Variants in CLUL1 observed in about 807,000 individuals in gnomAD.
CLUL1 encodes clusterin like 1.
CLUL1 carries 43 observed loss-of-function variants against 49.4 expected under a neutral mutation model. The observed-to-expected ratio is 0.87, with a 90% confidence interval of 0.68 to 1.12. The LOEUF is 1.12. Ranked by LOEUF, CLUL1 falls within the 50% of genes most tolerant of loss-of-function variation. CLUL1 has a pLI of 0.00. For synonymous variants in CLUL1, 192 were observed against 184.9 expected, an observed-to-expected ratio of 1.04 and a Z score of -0.31; for missense variants, 486 against 544.4, an observed-to-expected ratio of 0.89 and a Z score of 1.07.
At chr18:600,407 CTTCTATTGTT>C (rs1364166477) in intron 1 of CLUL1, among the ~76,000 whole-genome samples, 25 of 152,324 alleles carry the variant, frequency 1.6e-4, no homozygotes, top group Non-Finnish European at 3.5e-4. Flanking sequence ...TGCAAAAAGT[CTTCTATTGTT>C]CTCAACCATT....
rs143613500 is a variant in CLUL1, at chr18:636,974, G to C, written c.994+3539G>C. Among the ~76,000 whole-genome samples the C allele has an allele frequency of 2.2e-3, 261 of 121,388 alleles. 2 individuals carry two copies. The highest frequency in any genetic ancestry group is 8.3e-3 in the African/African-American group (240 of 28,922). 79.6% of individuals were successfully genotyped at this position (121,388 alleles called of 152,430 possible). On this transcript the variant is annotated intron_variant, in intron 7 of 9. Coordinates refer to ENST00000692774, the MANE Select transcript of CLUL1 (RefSeq NM_001393344.1). ...CCAGCCTGGGTTCTTTGTTTTTTTT[G>C]TTTTGTTTTGTTTTTGTTTTTGTTT...
At position 618,050 on chromosome 18, in the gene CLUL1, A is replaced by G; in HGVS notation, c.50A>G (p.Asp17Gly). 2 of 1,614,190 alleles carry G rather than the reference A, an allele frequency of 1.2e-6. No homozygotes were observed. Among genetic ancestry groups the G allele is most frequent in the Non-Finnish European group, 1.7e-6 (2 of 1,180,032 alleles). ...ATTGTGTGTCTGCTGTGGTTGAAAG[A>G]CAGTCACTGCGCACCCACTTGGAAG... ...VFIVCLLWLK[D>G]SHCAPTWKDK... Residue 17 changes from aspartate to glycine, a missense_variant, in exon 3 of 10, where the codon GAC becomes GGC. Coordinates refer to ENST00000692774, the MANE Select transcript of CLUL1 (RefSeq NM_001393344.1). The surrounding 1 kb of genome is among the most constrained non-coding windows in gnomAD (Gnocchi z 4.2).
intron 5 of CLUL1, among the ~76,000 whole-genome samples, 193 bp from the exon 6 acceptor site, chr18:626,904 A>AG (rs2073757973): frequency 0.03 from 23 of 756 alleles, 1 homozygote; most frequent in Admixed American, 0.062. Context: ...AGAAAGAAAG[A>AG]AAGAAAGAAA....
chr18:632,340 G>A (rs2074014506), intron 6 of CLUL1, among the ~76,000 whole-genome samples: 1 of 150,538 alleles, frequency 6.6e-6, no homozygotes, highest in African/African-American at 2.5e-5. Context: ...ATATATGTGT[G>A]TGTGTGTGTG....
chr18:640,275 T>C (rs566948873), intron 7 of CLUL1, among the ~76,000 whole-genome samples: 101 of 151,928 alleles, frequency 6.6e-4, no homozygotes, highest in African/African-American at 2.3e-3. Flanking sequence ...CCGGGCATGG[T>C]GGTGTGAGCC....
chr18:627,365 C>T lies in CLUL1; in HGVS notation c.692C>T (p.Ala231Val). Reference protein sequence around the residue: ...TDLTEPYFFPAFSKEPMTKAD... With the variant: ...TDLTEPYFFPVFSKEPMTKAD... ...CTAACTGAGCCTTACTTTTTTCCAGCTTTCTCTAAAGAGCCGATGACAAAA... is the reference window on the plus strand; with the variant it reads ...CTAACTGAGCCTTACTTTTTTCCAGTTTTCTCTAAAGAGCCGATGACAAAA... The change falls in exon 6 of 10, where the codon GCT becomes GTT. Residue 231 changes from alanine (A) to valine (V), a missense_variant. By Grantham distance (64) the Ala-to-Val change is moderately conservative. Transcript: ENST00000692774. The T allele has an allele frequency of 6.2e-7, 1 of 1,614,130 alleles. No individual in the cohort carries two copies.
At chr18:607,522 C>T (rs1019848746) in intron 2 of CLUL1, among the ~76,000 whole-genome samples, 2 of 152,156 alleles carry the variant, frequency 1.3e-5, no homozygotes, top group Non-Finnish European at 2.9e-5. Flanking sequence ...CGGCCCTGAT[C>T]TCCTGGGTTC....
At chr18:631,930 G>A (rs1172729563) in intron 6 of CLUL1, among the ~76,000 whole-genome samples, 2 of 152,216 alleles carry the variant, frequency 1.3e-5, no homozygotes, top group Non-Finnish European at 2.9e-5. Flanking sequence ...GTCCAGGAAA[G>A]CAGCTGGGAG....
intron 2 of CLUL1, among the ~76,000 whole-genome samples, chr18:607,378 C>T (rs951300658): frequency 3.3e-5 from 5 of 152,190 alleles, no homozygotes; most frequent in African/African-American, 9.7e-5. Context: ...ATCCACCCGG[C>T]GTGGCCTCCC....
intron 4 of CLUL1, among the ~76,000 whole-genome samples, chr18:624,573 C>G (rs1334985454): frequency 2.0e-5 from 3 of 152,140 alleles, no homozygotes; most frequent in African/African-American, 7.2e-5. Context: ...TCTTCATTGT[C>G]AGGTCACCCA....
intron 1 of CLUL1, among the ~76,000 whole-genome samples, chr18:599,031 G>A (rs1423056929): frequency 2.6e-5 from 4 of 152,098 alleles, no homozygotes; most frequent in Admixed American, 6.6e-5. Context: ...TTCAACAAGC[G>A]CTAAAGATAC....
chr18:648,342 C>A lies in CLUL1; in HGVS notation c.1398-1556C>A, dbSNP rs902267043. On this transcript the variant is annotated intron_variant, in intron 9 of 9. Transcript: ENST00000692774. ...AAGCAAATTATTTACTAACAAGGCA[C>A]ACGAAGTGATTTTTCACAGGCAATG... 6.1e-4 allele frequency among the ~76,000 whole-genome samples: 93 copies of A among 152,208 alleles called. 4 individuals carry two copies. Among genetic ancestry groups the A allele is most frequent in the Non-Finnish European group, 7.3e-5 (5 of 68,048 alleles).
At chr18:643,230 A>C (rs1464324634) in intron 8 of CLUL1, among the ~76,000 whole-genome samples, 1 of 152,222 alleles carries the variant, frequency 6.6e-6, no homozygotes, top group Non-Finnish European at 1.5e-5. Flanking sequence ...GTATGTGTAT[A>C]TGTGTGTAAA....
At chr18:643,439 CTT>C (rs1458175434) in intron 8 of CLUL1, among the ~76,000 whole-genome samples, 1 of 152,158 alleles carries the variant, frequency 6.6e-6, no homozygotes, top group African/African-American at 2.4e-5. Flanking sequence ...CATATATAGA[CTT>C]TTAGTTTAAC....
intron 1 of CLUL1, among the ~76,000 whole-genome samples, chr18:602,585 T>C (rs2072863314): frequency 6.6e-6 from 1 of 152,220 alleles, no homozygotes; most frequent in Non-Finnish European, 1.5e-5. Context: ...CATAATTTCC[T>C]CTGATGTGCC....
At chr18:613,378 T>C in intron 2 of CLUL1, 1 of 271,724 alleles carries the variant, frequency 3.7e-6, no homozygotes, top group Non-Finnish European at 6.8e-6. Flanking sequence ...ACCCAAGTGA[T>C]CTGCCTGCCT....
At chr18:617,754 C>T (rs1242170214) in intron 2 of CLUL1, among the ~76,000 whole-genome samples, 2 of 141,252 alleles carry the variant, frequency 1.4e-5, no homozygotes, top group South Asian at 2.5e-4. Context: ...CTTCACATGG[C>T]GGGCTTTTTT....
At chr18:608,462 T>TA (rs2073042938) in intron 2 of CLUL1, among the ~76,000 whole-genome samples, 1 of 152,058 alleles carries the variant, frequency 6.6e-6, no homozygotes, top group Non-Finnish European at 1.5e-5. Flanking sequence ...TCACTTCATC[T>TA]ACTGTAAGAA....
At chr18:639,192 C>T (rs1390830911) in intron 7 of CLUL1, among the ~76,000 whole-genome samples, 1 of 151,510 alleles carries the variant, frequency 6.6e-6, no homozygotes, top group Non-Finnish European at 1.5e-5. Flanking sequence ...TTTGGGAGGC[C>T]AAGGCAGGCG....
Sources: allele counts gnomAD v4.1 joint callset (sites outside exome capture counted in the v4.1 genomes callset), GRCh38; gene constraint gnomAD v4.1.1; non-coding constraint Gnocchi (gnomAD v3.1); transcripts MANE v1.5; gene names NCBI Gene and HGNC (gene_info 2026-07-23, HGNC 2026-07-21).